ZNF562: variants seen among roughly 807,000 people sequenced by gnomAD.
ZNF562 encodes the protein zinc finger protein 562.
Under a neutral mutation model 17.5 loss-of-function variants are expected in ZNF562, and 13 were observed. The ratio of observed to expected loss-of-function variants is 0.74; its 90% CI spans 0.48 to 1.18. ZNF562 has a LOEUF of 1.18. Among genes scored for constraint, ZNF562 ranks in the 50% most tolerant of loss-of-function variants. The pLI is 0.00. For synonymous variants in ZNF562, 163 were observed against 165.4 expected, an observed-to-expected ratio of 0.99 and a Z score of 0.11; for missense variants, 481 against 498.5, an observed-to-expected ratio of 0.96 and a Z score of 0.33.
Position 9,659,374 on chromosome 19 carries a change from T to A in ZNF562, c.114+5A>T. 2 of 1,550,340 alleles carry A rather than the reference T, an allele frequency of 1.3e-6. No individual in the cohort carries two copies. Among genetic ancestry groups the A allele is most frequent in the Non-Finnish European group, 1.7e-6 (2 of 1,145,968 alleles). ...ATTTTGTACAACGGTACATTTTCTG[T>A]TTACCTGGTAAGAATTTGACCGGTG... is the stretch of plus-strand genomic sequence containing the variant. On this transcript the variant is annotated splice_donor_5th_base_variant and intron_variant, in intron 3 of 5. Transcript: ENST00000453372.
In ZNF562 at chr19:9,652,663, A is replaced by C; in HGVS notation, c.*286T>G. On this transcript the variant is annotated 3_prime_UTR_variant, in exon 6 of 6. Coordinates refer to ENST00000453372, the MANE Select transcript of ZNF562 (RefSeq NM_001130031.2). ...AATTTCAGACCCTCGGGATGCATCTAAGGCCAATCTGTGAGCCATTACAAC... is the reference window on the plus strand; with the variant it reads ...AATTTCAGACCCTCGGGATGCATCTCAGGCCAATCTGTGAGCCATTACAAC... 3.9e-6 allele frequency: 1 copy of C among 253,958 alleles called. No individual in the cohort carries two copies. The highest frequency in any genetic ancestry group is 7.5e-6 in the Non-Finnish European group (1 of 133,094). 15.7% of individuals were successfully genotyped at this position (253,958 alleles called of 1,614,324 possible). A position where few individuals can be genotyped will look rare whatever the true frequency, so the allele number is the denominator to read the frequency against.
chr19:9,653,719 T>G lies in ZNF562; in HGVS notation c.511A>C (p.Ile171Leu). ...DSISVHKEAS[I>L]GQELSKFNPC... ...TTAAATTTGGAAAGTTCTTGTCCAA[T>G]AGAGGCTTCCTTGTGCACACTGATG... The change falls in exon 6 of 6, where the codon ATT (isoleucine) becomes CTT (leucine). Residue 171 changes from isoleucine (I) to leucine (L), a missense_variant. Around this residue, in one of 2 missense-constraint regions of ZNF562, gnomAD observed 403 missense variants for 386.4 expected, o/e 1.04. Transcript: ENST00000453372. 3.1e-6 allele frequency: 5 copies of G among 1,614,104 alleles called. No homozygotes were observed. The highest frequency in any genetic ancestry group is 4.2e-6 in the Non-Finnish European group (5 of 1,179,962).
rs201987717 is a variant in ZNF562, at chr19:9,653,749, C to G, written c.481G>C (p.Asp161His). 130 of 1,614,040 alleles carry G rather than the reference C, an allele frequency of 8.1e-5. No homozygotes were observed. In the African/African-American group the frequency reaches 1.6e-3, roughly 20 times the overall value. ...NTFEGNCYGK[D>H]SISVHKEASI... ...GCTTCCTTGTGCACACTGATGCTGT[C>G]TTTTCCATAACAATTACCCTCAAAA... Residue 161 changes from aspartate to histidine, a missense_variant, in exon 6 of 6, where the codon GAC becomes CAC. By Grantham distance (81) the Asp-to-His change is moderately conservative (BLOSUM62 -1). Around this residue, in one of 2 missense-constraint regions of ZNF562, gnomAD observed 403 missense variants for 386.4 expected, o/e 1.04. Transcript: ENST00000453372.
chr19:9,656,749 G>T, intron 4 of ZNF562, 96 bp from the exon 5 acceptor site: 2 of 1,257,408 alleles, frequency 1.6e-6, no homozygotes, highest in South Asian at 1.3e-5. Flanking sequence ...CACAGGCCAG[G>T]CACGGTGACT....
intron 1 of ZNF562, among the ~76,000 whole-genome samples, chr19:9,667,206 G>C (rs998678850): frequency 6.6e-6 from 1 of 152,110 alleles, no homozygotes; most frequent in African/African-American, 2.4e-5. Context: ...TACAAGGATG[G>C]TTCAACATAT....
chr19:9,669,810 C>T, intron 1 of ZNF562, among the ~76,000 whole-genome samples: 1 of 150,408 alleles, frequency 6.6e-6, no homozygotes, highest in East Asian at 2.0e-4. Flanking sequence ...GCCTGTAATC[C>T]CAGCTCTTTA....
rs140379525 is a variant in ZNF562, at chr19:9,652,758, G to T, written c.*191C>A. ...AATAATTAAAGATGGCAACCAATGGGCTAAATGGTAACAACACTCATATCC... is the reference window on the plus strand; with the variant it reads ...AATAATTAAAGATGGCAACCAATGGTCTAAATGGTAACAACACTCATATCC... On this transcript the variant is annotated 3_prime_UTR_variant, in exon 6 of 6. Coordinates refer to ENST00000453372, the MANE Select transcript of ZNF562 (RefSeq NM_001130031.2). 1,631 of 489,352 alleles carry T rather than the reference G, an allele frequency of 3.3e-3. 6 individuals are homozygous for T. Among genetic ancestry groups the T allele is most frequent in the Non-Finnish European group, 4.5e-3 (1,313 of 291,346 alleles). 30.3% of individuals were successfully genotyped at this position (489,352 alleles called of 1,614,324 possible).
rs1167106318 is a variant in ZNF562 at position 9,643,699 on chromosome 19, G to A, written c.*9250C>T. 1 of 151,180 alleles carries A rather than the reference G, an allele frequency of 6.6e-6. No homozygotes were observed. The highest frequency in any genetic ancestry group is 1.9e-4 in the East Asian group (1 of 5,146). The allele number at this position is 151,180 out of a possible 1,614,324, so 9.4% of individuals were successfully genotyped here. On this transcript the variant is annotated 3_prime_UTR_variant, in exon 6 of 6. Transcript: ENST00000453372. ...TAAGTTTTTTGTAGATGGGGGGCTT[G>A]CTATGCTGTCCAGGCAGGTCTCGAA...
rs2074820221 is a variant in ZNF562 at position 9,647,947 on chromosome 19, T to A, written c.*5002A>T. On this transcript the variant is annotated 3_prime_UTR_variant, in exon 6 of 6. Transcript: ENST00000453372. ...TTTAAATAGAGATGTGGTTTCGCTA[T>A]GTTGCCCAGGCTGGTTTGAACTCCT... The A allele has an allele frequency of 6.6e-6, 1 of 152,206 alleles. No individual in the cohort carries two copies. The highest frequency in any genetic ancestry group is 2.4e-5 in the African/African-American group (1 of 41,446). The allele number at this position is 152,206 out of a possible 1,614,324, so 9.4% of individuals were successfully genotyped here.
At chr19:9,674,950 C>T (rs975929037) in intron 1 of ZNF562, 65 bp downstream of exon 1, 1 of 152,528 alleles carries the variant, frequency 6.6e-6, no homozygotes, top group Non-Finnish European at 1.5e-5. Flanking sequence ...CCTGGGCGAC[C>T]ACGCCCAATC....
intron 2 of ZNF562, among the ~76,000 whole-genome samples, chr19:9,660,499 G>A (rs1001109804): frequency 6.6e-6 from 1 of 151,806 alleles, no homozygotes; most frequent in African/African-American, 2.4e-5. Flanking sequence ...CCAGTGACTC[G>A]GGTGGGTGAG....
intron 1 of ZNF562, among the ~76,000 whole-genome samples, chr19:9,670,280 C>CA (rs2044139267): frequency 6.6e-6 from 1 of 151,676 alleles, no homozygotes; most frequent in Non-Finnish European, 1.5e-5. Flanking sequence ...GGGGGTTTCT[C>CA]AAAAAATTAA....
At chr19:9,667,081 A>C (rs774680609) in intron 1 of ZNF562, among the ~76,000 whole-genome samples, 2 of 152,190 alleles carry the variant, frequency 1.3e-5, no homozygotes, top group Non-Finnish European at 2.9e-5. Flanking sequence ...ACAAAACTAC[A>C]CGCCAATATC....
chr19:9,656,749 G>A (rs888466634), intron 4 of ZNF562, 96 bp from the exon 5 acceptor site: 3 of 1,257,406 alleles, frequency 2.4e-6, no homozygotes, highest in East Asian at 2.4e-5. Flanking sequence ...CACAGGCCAG[G>A]CACGGTGACT....
chr19:9,659,084 A>G (rs1568268428), intron 3 of ZNF562, among the ~76,000 whole-genome samples: 2 of 152,256 alleles, frequency 1.3e-5, no homozygotes, highest in South Asian at 2.1e-4. Context: ...TGATAAAAGG[A>G]CACTTTCATC....
chr19:9,660,932 A>T (rs1303547102), intron 1 of ZNF562, 58 bp from the exon 2 acceptor site: 1 of 500,736 alleles, frequency 2.0e-6, no homozygotes, highest in Non-Finnish European at 3.5e-6. Context: ...AACATTATGC[A>T]TGAGCTTTCT....
chr19:9,660,001 A>G (rs1599290894), intron 2 of ZNF562, among the ~76,000 whole-genome samples: 1 of 130,502 alleles, frequency 7.7e-6, no homozygotes, highest in Non-Finnish European at 1.6e-5. Flanking sequence ...GAGGCAGAGA[A>G]CTGCTTGAAC....
chr19:9,661,023 C>A, intron 1 of ZNF562, 149 bp from the exon 2 acceptor site: 1 of 345,330 alleles, frequency 2.9e-6, no homozygotes. Context: ...TTAATAACAG[C>A]AACTGACATT....
At chr19:9,654,172 TG>T (rs1472215386) in intron 5 of ZNF562, among the ~76,000 whole-genome samples, 1 of 152,058 alleles carries the variant, frequency 6.6e-6, no homozygotes, top group Non-Finnish European at 1.5e-5. Context: ...CTACTTTTTT[TG>T]TAGACATGGG....
Sources: allele counts gnomAD v4.1 joint callset (sites outside exome capture counted in the v4.1 genomes callset), GRCh38; gene constraint gnomAD v4.1.1; regional missense constraint gnomAD v4.1.1; transcripts MANE v1.5; gene names NCBI Gene and HGNC (gene_info 2026-07-23, HGNC 2026-07-21).